The following SHISA9 variants were observed in gnomAD, a reference collection of about 807,000 sequenced individuals.
The protein encoded by SHISA9 is shisa family member 9, also known as protein shisa-9.
Under a neutral mutation model 38.0 loss-of-function variants are expected in SHISA9, and 13 were observed. That is an observed-to-expected ratio of 0.34 (90% confidence interval 0.22 to 0.54). The LOEUF is 0.54. Among genes scored for constraint, SHISA9 ranks in the 20% least tolerant of loss-of-function variants. SHISA9 has a pLI of 0.91. For synonymous variants in SHISA9, 275 were observed against 242.0 expected (o/e 1.14, Z -1.27); for missense variants, 538 against 575.8 (o/e 0.93, Z 0.67).
At chr16:13,508,987 T>A in the SHISA9 span, among the ~76,000 whole-genome samples, 1 of 152,178 alleles carries the variant, frequency 6.6e-6, no homozygotes, top group Non-Finnish European at 1.5e-5. Context: ...AGGATTTAAT[T>A]GCTATAAACC....
chr16:13,217,477 G>A (rs1274202866), intron 4 of SHISA9, among the ~76,000 whole-genome samples: 1 of 152,190 alleles, frequency 6.6e-6, no homozygotes, highest in Non-Finnish European at 1.5e-5. Context: ...ATAGACTGCA[G>A]TGTAATCTCT....
At chr16:13,556,543 A>G in the SHISA9 span, among the ~76,000 whole-genome samples, 3 of 152,194 alleles carry the variant, frequency 2.0e-5, no homozygotes, top group South Asian at 6.2e-4. Flanking sequence ...CGTGCCTGTA[A>G]TCCCAGCTAC....
the SHISA9 span, among the ~76,000 whole-genome samples, chr16:13,455,248 T>C: frequency 1.3e-5 from 2 of 152,216 alleles, no homozygotes; most frequent in Non-Finnish European, 2.9e-5. Context: ...CTGAAGTTAT[T>C]TCCCAGTAAA....
the SHISA9 span, among the ~76,000 whole-genome samples, chr16:13,462,659 T>C: frequency 1.3e-5 from 2 of 151,998 alleles, no homozygotes; most frequent in Non-Finnish European, 2.9e-5. Context: ...ACCCTGTCTG[T>C]ACTAAAAATA....
At chr16:13,134,288 C>T (rs759951638) in intron 2 of SHISA9, among the ~76,000 whole-genome samples, 12 of 152,228 alleles carry the variant, frequency 7.9e-5, no homozygotes, top group Admixed American at 1.3e-4. Flanking sequence ...AAATAATGTA[C>T]GTAAAGCACA....
chr16:13,004,095 A>G (rs1427224156), intron 2 of SHISA9, among the ~76,000 whole-genome samples: 1 of 152,132 alleles, frequency 6.6e-6, no homozygotes, highest in Non-Finnish European at 1.5e-5. Flanking sequence ...GATTCTTTGC[A>G]CTCTGCTTTC....
the SHISA9 span, among the ~76,000 whole-genome samples, chr16:13,317,037 T>G: frequency 6.6e-6 from 1 of 152,196 alleles, no homozygotes; most frequent in Non-Finnish European, 1.5e-5. Context: ...ACAGCTTCCC[T>G]GTCCCAGACT....
chr16:13,123,485 C>G (rs1372495811), intron 2 of SHISA9, among the ~76,000 whole-genome samples: 1 of 152,114 alleles, frequency 6.6e-6, no homozygotes, highest in Non-Finnish European at 1.5e-5. Context: ...TCCTTGATAC[C>G]TACTCATGAA....
chr16:13,270,305 G>C, the SHISA9 span, among the ~76,000 whole-genome samples: 1 of 152,128 alleles, frequency 6.6e-6, no homozygotes, highest in Admixed American at 6.5e-5. Context: ...AAGAGCAGGA[G>C]TTGGGGGCGA....
the SHISA9 span, among the ~76,000 whole-genome samples, chr16:13,435,446 C>T: frequency 6.6e-6 from 1 of 152,190 alleles, no homozygotes; most frequent in African/African-American, 2.4e-5. Context: ...TGTGATCAAG[C>T]CCACCTTGGT....
the SHISA9 span, among the ~76,000 whole-genome samples, chr16:13,488,011 A>G: frequency 2.0e-3 from 306 of 152,344 alleles, no homozygotes; most frequent in African/African-American, 6.6e-3. Context: ...AACAAGGTCA[A>G]TACTTGAACT....
chr16:13,234,218 C>G (rs2051359154), intron 4 of SHISA9, among the ~76,000 whole-genome samples: 1 of 152,042 alleles, frequency 6.6e-6, no homozygotes, highest in South Asian at 2.1e-4. Flanking sequence ...ACATGAAAAT[C>G]CTGTTTATTA....
rs549360659 is a variant in SHISA9 at position 13,074,132 on chromosome 16, G to A, written c.692-129262G>A. Among the ~76,000 whole-genome samples the A allele has an allele frequency of 8.7e-4, 133 of 152,082 alleles. 1 individual carries two copies. The highest frequency in any genetic ancestry group is 6.8e-3 in the Middle Eastern group (2 of 294). Reference sequence around the variant, plus strand: ...TTACAGGCGCCCGCCATCACGCCTGGCTAATTTTTGTATTTTTGGTAGAGA... The same window carrying A: ...TTACAGGCGCCCGCCATCACGCCTGACTAATTTTTGTATTTTTGGTAGAGA... On this transcript the variant is annotated intron_variant, in intron 2 of 4. Transcript: ENST00000558583.
At chr16:13,467,494 A>G in the SHISA9 span, among the ~76,000 whole-genome samples, 1 of 152,232 alleles carries the variant, frequency 6.6e-6, no homozygotes, top group Admixed American at 6.5e-5. Flanking sequence ...CAGGGCTTGG[A>G]CTGAGCCACA....
At chr16:13,473,160 T>C in the SHISA9 span, among the ~76,000 whole-genome samples, 1 of 152,192 alleles carries the variant, frequency 6.6e-6, no homozygotes. Context: ...AAAAGTTTTA[T>C]TCTATCAGAT....
chr16:12,962,863 G>A (rs1361251969), intron 2 of SHISA9, among the ~76,000 whole-genome samples: 2 of 152,200 alleles, frequency 1.3e-5, no homozygotes, highest in Non-Finnish European at 2.9e-5. Flanking sequence ...GGCCTGACCA[G>A]GGGTAGCTGT....
chr16:13,099,651 T>C (rs1234817199), intron 2 of SHISA9, among the ~76,000 whole-genome samples: 1 of 152,092 alleles, frequency 6.6e-6, no homozygotes, highest in African/African-American at 2.4e-5. Flanking sequence ...GTGAAGAGTG[T>C]AGCATGGCTG....
At chr16:13,300,845 T>TCTC in the SHISA9 span, among the ~76,000 whole-genome samples, 1 of 133,054 alleles carries the variant, frequency 7.5e-6, no homozygotes, top group Non-Finnish European at 1.6e-5. Context: ...CCTCCCCTCT[T>TCTC]CTCTCCTCTC....
chr16:13,428,774 T>G, the SHISA9 span, among the ~76,000 whole-genome samples: 1 of 14,118 alleles, frequency 7.1e-5, no homozygotes, highest in Non-Finnish European at 1.8e-4. Flanking sequence ...TGTTTTATTG[T>G]TTTTTTTTTT....
Sources: gnomAD v4.1 joint callset for allele counts (sites outside exome capture counted in the v4.1 genomes callset) on GRCh38, gnomAD v4.1.1 for gene constraint, MANE v1.5 for transcripts, NCBI Gene and HGNC (gene_info 2026-07-23, HGNC 2026-07-21) for gene names.